Variants in REV3L observed in about 807,000 individuals in gnomAD.
REV3L encodes DNA polymerase zeta catalytic subunit.
A neutral mutation model predicts 299.4 loss-of-function variants in REV3L; 69 were observed. That is an observed-to-expected ratio of 0.23 (90% CI 0.19 to 0.28). REV3L has a LOEUF of 0.28. REV3L is among the 10% of genes least tolerant of loss of function. The pLI, the probability that REV3L is intolerant of heterozygous loss-of-function variation, is 1.00. For synonymous variants in REV3L, 1,238 were observed against 1,271.4 expected (o/e 0.97, Z 0.56); for missense variants, 3,128 against 3,693.8 (o/e 0.85, Z 3.97).
At chr6:111,339,930 T>G (rs3828725) in intron 21 of REV3L, among the ~76,000 whole-genome samples, 2 of 152,168 alleles carry the variant, frequency 1.3e-5, no homozygotes, top group East Asian at 3.9e-4. Flanking sequence ...TCCTAATGCT[T>G]TGTCAAACTT....
intron 1 of REV3L, among the ~76,000 whole-genome samples, chr6:111,455,319 T>C (rs1790045814): frequency 6.6e-6 from 1 of 152,024 alleles, no homozygotes; most frequent in African/African-American, 2.4e-5. Context: ...ACTGAACACC[T>C]AGGACAGCCA....
At position 111,300,076 on chromosome 6, in the gene REV3L, G is replaced by C; in HGVS notation, c.9333C>G (p.Ser3111=). Residue 3111 remains serine, a synonymous_variant, in exon 32 of 32, where the codon TCC becomes TCG. Coordinates refer to ENST00000368802, the MANE Select transcript of REV3L (RefSeq NM_001372078.1). ...CCTTGGACAATTCTCTATTTACTCG[G>C]GAGAGTTTGAAAAGTACTGGGCAGT... ...SLNCPVLFKL[S]RVNRELSKAP... is the part of the protein sequence containing the mutation. The C allele has an allele frequency of 6.2e-7, 1 of 1,613,716 alleles. No homozygotes were observed.
At chr6:111,480,495 T>A (rs570746332) in intron 1 of REV3L, among the ~76,000 whole-genome samples, 1 of 152,266 alleles carries the variant, frequency 6.6e-6, no homozygotes, top group South Asian at 2.1e-4. Context: ...ATTCTGCAGT[T>A]TTTGATTATG....
At chr6:111,370,940 A>C (rs1255421044) in intron 13 of REV3L, among the ~76,000 whole-genome samples, 2 of 152,136 alleles carry the variant, frequency 1.3e-5, no homozygotes, top group Admixed American at 1.3e-4. Flanking sequence ...GGCTTTGAAC[A>C]AATGTGTAAT....
intron 1 of REV3L, among the ~76,000 whole-genome samples, chr6:111,451,808 A>G (rs548822610): frequency 6.6e-6 from 1 of 151,870 alleles, no homozygotes; most frequent in Non-Finnish European, 1.5e-5. Flanking sequence ...GGTTAGGCAA[A>G]GATTTCTTAG....
At chr6:111,450,260 C>T (rs913408689) in intron 1 of REV3L, among the ~76,000 whole-genome samples, 12 of 152,020 alleles carry the variant, frequency 7.9e-5, no homozygotes, top group Admixed American at 6.6e-4. Flanking sequence ...AGGAGAAATG[C>T]TTGAGGCCAG....
chr6:111,387,366 T>C (rs1781450547), intron 9 of REV3L, among the ~76,000 whole-genome samples: 1 of 152,128 alleles, frequency 6.6e-6, no homozygotes, highest in Non-Finnish European at 1.5e-5. Context: ...ACTTTGTAAA[T>C]CATTGAATTA....
In REV3L at chr6:111,405,487, C is replaced by A; in HGVS notation, c.548G>T (p.Arg183Leu). 2 of 1,588,974 alleles carry A rather than the reference C, an allele frequency of 1.3e-6. No homozygotes were observed. Among genetic ancestry groups the A allele is most frequent in the South Asian group, 1.2e-5 (1 of 83,626 alleles). Residue 183 changes from arginine (R) to leucine (L), a missense_variant, in exon 4 of 32, where the codon CGA becomes CTA. Physicochemically the swap from Arg to Leu is moderately radical, Grantham distance 102 (BLOSUM62 -2). Transcript: ENST00000368802. ...AACCTTACTTTTCCTTCTTGCTTTT[C>A]GGAACTTGACAGCAGCCAGATTTAT... ...NLINLAAVKF[R>L]KARRKSNTLH... is the part of the protein sequence containing the mutation.
intron 31 of REV3L, among the ~76,000 whole-genome samples, chr6:111,305,867 T>C (rs1772230441): frequency 6.6e-6 from 1 of 152,070 alleles, no homozygotes; most frequent in Non-Finnish European, 1.5e-5. Context: ...GTCTATTAAA[T>C]AAATAGAAGC....
chr6:111,434,491 C>T (rs1240273583), intron 1 of REV3L, among the ~76,000 whole-genome samples: 12 of 151,608 alleles, frequency 7.9e-5, no homozygotes, highest in Admixed American at 3.3e-4. Context: ...TGCTGGCGGG[C>T]GCCTGTAGTC....
At position 111,347,659 on chromosome 6, in the gene REV3L, A is replaced by G. The variant is rs983929028; in HGVS notation, c.7419+1559T>C. On this transcript the variant is annotated intron_variant, in intron 20 of 31. Coordinates refer to ENST00000368802, the MANE Select transcript of REV3L (RefSeq NM_001372078.1). ...TATCCAAAGTCCAAAGTCTAAGAAT[A>G]GACCAATTTATAGTAGGTATCTTTG... is the stretch of plus-strand genomic sequence containing the variant. Among the ~76,000 whole-genome samples, 3 of 152,218 alleles carry G rather than the reference A, an allele frequency of 2.0e-5. No homozygotes were observed. The East Asian group carries it at 5.8e-4, about 29-fold the overall frequency.
chr6:111,375,480 G>A lies in REV3L; in HGVS notation c.2875C>T (p.Leu959Phe), dbSNP rs766598907. The A allele has an allele frequency of 8.1e-6, 13 of 1,604,964 alleles. No individual in the cohort carries two copies. Among genetic ancestry groups the A allele is most frequent in the Admixed American group, 6.9e-5 (4 of 57,748 alleles). Reference sequence around the variant, plus strand: ...ATTTTTCTTCGTTTTCGGGATTTGAGAGTTCCATCTAAACTTTCACCAATT... The same window carrying A: ...ATTTTTCTTCGTTTTCGGGATTTGAAAGTTCCATCTAAACTTTCACCAATT... ...MEIGESLDGTLKSRKRRKMSK... is the reference protein window; with the variant it reads ...MEIGESLDGTFKSRKRRKMSK... Residue 959 changes from leucine (L) to phenylalanine (F), a missense_variant, in exon 13 of 32, where the codon CTC becomes TTC. Around this residue, in one of 9 missense-constraint regions of REV3L, gnomAD observed 2,409 missense variants for 2,611.8 expected, o/e 0.92. Coordinates refer to ENST00000368802, the MANE Select transcript of REV3L (RefSeq NM_001372078.1).
chr6:111,388,396 T>C (rs1781556524), intron 7 of REV3L, among the ~76,000 whole-genome samples: 2 of 152,172 alleles, frequency 1.3e-5, no homozygotes, highest in Non-Finnish European at 2.9e-5. Flanking sequence ...TCATAAAATA[T>C]ATTTCTATTT....
In REV3L at chr6:111,392,877, T is replaced by C. The variant is rs750692919; in HGVS notation, c.661A>G (p.Ser221Gly). 1 of 1,589,220 alleles carries C rather than the reference T, an allele frequency of 6.3e-7. No homozygotes were observed. Among genetic ancestry groups the C allele is most frequent in the Non-Finnish European group, 8.6e-7 (1 of 1,157,612 alleles). The change falls in exon 5 of 32, where the codon AGC (serine) becomes GGC (glycine). Residue 221 changes from serine to glycine, a missense_variant and splice_region_variant. Ser to Gly is a moderately conservative substitution (Grantham distance 56). Transcript: ENST00000368802. ...ATTTCCTTTACAACATTAACTAACC[T>C]TGGTATTTCATCTTGTTCCCACCGA... is the stretch of plus-strand genomic sequence containing the variant. Reference protein sequence around the residue: ...LFRWEQDEIPSSLILEGVEPQ... With the variant: ...LFRWEQDEIPGSLILEGVEPQ...
chr6:111,363,677 T>C (rs1312514930), intron 16 of REV3L, among the ~76,000 whole-genome samples, 176 bp downstream of exon 16: 1 of 152,188 alleles, frequency 6.6e-6, no homozygotes, highest in Non-Finnish European at 1.5e-5. Context: ...TTTAAGTTTA[T>C]GTATTGTACA....
chr6:111,303,313 G>A (rs1330166049), intron 31 of REV3L, among the ~76,000 whole-genome samples: 8 of 143,156 alleles, frequency 5.6e-5, no homozygotes, highest in Middle Eastern at 4.1e-3. Context: ...CTGGGATTGC[G>A]GGTGCCCGCC....
intron 1 of REV3L, among the ~76,000 whole-genome samples, chr6:111,434,447 T>C (rs1004660831): frequency 6.6e-6 from 1 of 151,530 alleles, no homozygotes; most frequent in African/African-American, 2.4e-5. Flanking sequence ...ACCACGTCTC[T>C]AATAAAAATA....
chr6:111,377,910 G>A lies in REV3L; in HGVS notation c.1455-67C>T, dbSNP rs962633234. On this transcript the variant is annotated intron_variant, in intron 11 of 31. Transcript: ENST00000368802. ...AAAGACCATCTCAGATGCAAATAAT[G>A]CATCTAAGTTAACTCTATAATAATG... 22 of 1,292,936 alleles carry A rather than the reference G, an allele frequency of 1.7e-5. No homozygotes were observed. The African/African-American group carries it at 2.7e-4, about 16-fold the overall frequency. The allele number at this position is 1,292,936 out of a possible 1,614,324, so 80.1% of individuals were successfully genotyped here. A position where few individuals can be genotyped will look rare whatever the true frequency, so the allele number is the denominator to read the frequency against.
chr6:111,304,293 C>T (rs899837969), intron 31 of REV3L, among the ~76,000 whole-genome samples: 6 of 146,012 alleles, frequency 4.1e-5, no homozygotes, highest in Non-Finnish European at 7.6e-5. Flanking sequence ...ATTCTAGAAA[C>T]ACTTAAGAAG....
Sources: gnomAD v4.1 joint callset for allele counts (sites outside exome capture counted in the v4.1 genomes callset) on GRCh38, gnomAD v4.1.1 for gene constraint, gnomAD v4.1.1 regional missense constraint, MANE v1.5 for transcripts, NCBI Gene and HGNC (gene_info 2026-07-23, HGNC 2026-07-21) for gene names.